ITPA: variants seen among roughly 807,000 people sequenced by gnomAD.
The protein encoded by ITPA is inosine triphosphatase.
A neutral mutation model predicts 29.6 loss-of-function variants in ITPA; 29 were observed. The ratio of observed to expected loss-of-function variants is 0.98; its 90% confidence interval spans 0.73 to 1.34. ITPA has a LOEUF of 1.34. ITPA is among the 40% of genes most tolerant of loss of function. ITPA has a pLI of 0.00. For missense variants in ITPA, 241 were observed against 251.5 expected, an observed-to-expected ratio of 0.96 and a Z score of 0.28; for synonymous variants, 103 against 99.3, an observed-to-expected ratio of 1.04 and a Z score of -0.22.
At chr20:3,213,697 C>G (rs1168159330) in intron 3 of ITPA, among the ~76,000 whole-genome samples, 1 of 152,168 alleles carries the variant, frequency 6.6e-6, no homozygotes, top group Non-Finnish European at 1.5e-5. Flanking sequence ...CACACATGTT[C>G]GTGGAACTGA....
chr20:3,204,598 C>T, upstream of ITPA: 7 of 1,590,062 alleles, frequency 4.4e-6, no homozygotes, highest in Non-Finnish European at 8.5e-7. Flanking sequence ...GCAGAGCCGC[C>T]GCTACCAAGT....
chr20:3,224,200 T>A (rs928191572), downstream of ITPA, among the ~76,000 whole-genome samples: 1 of 152,144 alleles, frequency 6.6e-6, no homozygotes, highest in African/African-American at 2.4e-5. Flanking sequence ...ACAATTACAA[T>A]GGCCAGTTCA....
At chr20:3,206,327 G>A (rs1300867631), upstream of ITPA, among the ~76,000 whole-genome samples, 1 of 143,754 alleles carries the variant, frequency 7.0e-6, no homozygotes, top group Non-Finnish European at 1.5e-5. Context: ...GGCAGAGGTT[G>A]CAGTGAGCCG....
downstream of ITPA, chr20:3,227,333 T>C: frequency 4.1e-6 from 1 of 244,030 alleles, no homozygotes; most frequent in South Asian, 5.4e-5. Context: ...ACAAACTCTG[T>C]CCCTTGCATT....
intron 6 of ITPA, among the ~76,000 whole-genome samples, chr20:3,219,275 C>G (rs1012297149): frequency 7.5e-6 from 1 of 132,706 alleles, no homozygotes; most frequent in Admixed American, 9.0e-5. Context: ...GGTGTCGTCT[C>G]GGCTCACTGC....
chr20:3,209,442 G>A (rs1026188836), upstream of ITPA: 3 of 1,059,980 alleles, frequency 2.8e-6, no homozygotes, highest in African/African-American at 3.1e-5. This position sits in a 1 kb window ranked among gnomAD's most constrained non-coding sequence, Gnocchi z 4.6. Flanking sequence ...GGCTTTCCCC[G>A]GGACCCCTGG....
At chr20:3,204,391 C>T (rs1009697345), upstream of ITPA, 8 of 783,286 alleles carry the variant, frequency 1.0e-5, no homozygotes, top group Admixed American at 1.7e-4. Context: ...GCGGAAGCCC[C>T]ACCCGGCACA....
chr20:3,214,575 T>TTATTC (rs1384695356), intron 4 of ITPA, among the ~76,000 whole-genome samples: 1 of 150,856 alleles, frequency 6.6e-6, no homozygotes, highest in Non-Finnish European at 1.5e-5. Flanking sequence ...TTTAATTATT[T>TTATTC]TATTTTATTT....
rs1475368290 is a variant in ITPA, at chr20:3,214,178, T to C, written c.263+120T>C. The stretch of plus-strand genomic sequence containing the variant: ...GTCTTAGCATCAACAGCCTTTCACG[T>C]TGTCCCGAGGAAAGACGGGATAGGA... On this transcript the variant is annotated intron_variant, in intron 4 of 7. Coordinates refer to ENST00000380113, the MANE Select transcript of ITPA (RefSeq NM_033453.4). The C allele has an allele frequency of 4.5e-6, 4 of 883,066 alleles. No individual in the cohort carries two copies. The Admixed American group carries it at 7.9e-5, about 17-fold the overall frequency. 54.7% of individuals were successfully genotyped at this position (883,066 alleles called of 1,614,324 possible).
At chr20:3,223,168 G>C (rs1368264214) in intron 7 of ITPA, among the ~76,000 whole-genome samples, 198 bp from the exon 8 acceptor site, 1 of 152,194 alleles carries the variant, frequency 6.6e-6, no homozygotes, top group African/African-American at 2.4e-5. Flanking sequence ...TCATTCATGG[G>C]GGTTTCTGCC....
At chr20:3,204,395 C>A (rs111988598), upstream of ITPA, 6 of 813,562 alleles carry the variant, frequency 7.4e-6, no homozygotes, top group African/African-American at 5.2e-5. Context: ...AAGCCCCACC[C>A]GGCACACGAC....
chr20:3,219,936 G>GGAGGCTGA (rs1444016333), intron 6 of ITPA, among the ~76,000 whole-genome samples: 1 of 151,300 alleles, frequency 6.6e-6, no homozygotes, highest in Admixed American at 6.6e-5. Flanking sequence ...TAGCTACTTG[G>GGAGGCTGA]GAGGCTGAGG....
chr20:3,206,007 G>A (rs1466945593), upstream of ITPA, among the ~76,000 whole-genome samples: 1 of 142,712 alleles, frequency 7.0e-6, no homozygotes, highest in East Asian at 2.1e-4. Context: ...AGTGAGCCAA[G>A]ATTGCACCAC....
At chr20:3,206,114 C>T (rs1568503114), upstream of ITPA, among the ~76,000 whole-genome samples, 2 of 147,102 alleles carry the variant, frequency 1.4e-5, no homozygotes, top group Non-Finnish European at 3.0e-5. Flanking sequence ...ATGGGCTGGG[C>T]GAGGTGGCTC....
intron 1 of ITPA, among the ~76,000 whole-genome samples, chr20:3,211,994 T>A (rs1161075233): frequency 6.6e-6 from 1 of 152,120 alleles, no homozygotes; most frequent in Non-Finnish European, 1.5e-5. Context: ...AAGACCAGCC[T>A]GGGCAACAAA....
chr20:3,218,730 G>T (rs1390920523), intron 6 of ITPA, 98 bp downstream of exon 6: 1 of 810,828 alleles, frequency 1.2e-6, no homozygotes, highest in Non-Finnish European at 2.1e-6. Flanking sequence ...GGTGGGAGGG[G>T]CGCCTTGGGG....
intron 5 of ITPA, among the ~76,000 whole-genome samples, chr20:3,217,924 T>TCTTTC (rs1555774483): frequency 1.4e-5 from 2 of 146,820 alleles, no homozygotes; most frequent in East Asian, 4.1e-4. Context: ...TTGTTTTTGT[T>TCTTTC]TTTTCTTTCC....
At chr20:3,204,184 G>C (rs1314563567), upstream of ITPA, among the ~76,000 whole-genome samples, 1 of 152,178 alleles carries the variant, frequency 6.6e-6, no homozygotes, top group African/African-American at 2.4e-5. Flanking sequence ...GGGAGGAATG[G>C]AAAACCCCTG....
At chr20:3,206,589 G>A (rs535620540), upstream of ITPA, among the ~76,000 whole-genome samples, 22 of 152,076 alleles carry the variant, frequency 1.4e-4, no homozygotes, top group African/African-American at 3.6e-4. Context: ...CCAGCACTTC[G>A]GGAGGCTGAG....
Sources: gnomAD v4.1 joint callset for allele counts (sites outside exome capture counted in the v4.1 genomes callset) on GRCh38, gnomAD v4.1.1 for gene constraint, Gnocchi (gnomAD v3.1) non-coding constraint, MANE v1.5 for transcripts, NCBI Gene and HGNC (gene_info 2026-07-23, HGNC 2026-07-21) for gene names.